Variants in CADM1 observed in about 807,000 individuals in gnomAD.
CADM1 encodes the protein cell adhesion molecule 1, also known as TSLC-1.
Under a neutral mutation model 53.1 loss-of-function variants are expected in CADM1, and 15 were observed. The ratio of observed to expected loss-of-function variants is 0.28; its 90% confidence interval spans 0.19 to 0.44. CADM1 has a LOEUF of 0.44. CADM1 is among the 20% of genes least tolerant of loss of function. CADM1 has a pLI of 1.00. For missense variants in CADM1, 434 were observed against 611.3 expected (o/e 0.71, Z 3.06); for synonymous variants, 281 against 243.0 (o/e 1.16, Z -1.45).
intron 1 of CADM1, among the ~76,000 whole-genome samples, chr11:115,376,220 A>T (rs1334447683): frequency 6.6e-6 from 1 of 152,156 alleles, no homozygotes; most frequent in Non-Finnish European, 1.5e-5. Context: ...ATAGTGCTAT[A>T]AGCTCTGGCT....
At chr11:115,374,602 A>T (rs747224971) in intron 1 of CADM1, among the ~76,000 whole-genome samples, 2 of 152,210 alleles carry the variant, frequency 1.3e-5, no homozygotes, top group African/African-American at 2.4e-5. Context: ...AAAAAGGTAC[A>T]GACATTATAT....
intron 1 of CADM1, among the ~76,000 whole-genome samples, chr11:115,331,585 T>C (rs918981588): frequency 1.3e-5 from 2 of 152,254 alleles, no homozygotes; most frequent in Non-Finnish European, 2.9e-5. Flanking sequence ...TCATGAACCA[T>C]GGAAACAACT....
intron 1 of CADM1, among the ~76,000 whole-genome samples, chr11:115,501,800 T>TA (rs1223529664): frequency 6.6e-6 from 1 of 152,200 alleles, no homozygotes; most frequent in East Asian, 1.9e-4. Context: ...TGAGAAAGCT[T>TA]AAACAGAACT....
intron 1 of CADM1, chr11:115,445,831 T>C: frequency 2.3e-6 from 1 of 442,144 alleles, no homozygotes; most frequent in South Asian, 1.6e-5. Context: ...GGTGATGAAG[T>C]GAGACCTGTC....
At chr11:115,225,989 C>CACA (rs1279193308) in intron 5 of CADM1, among the ~76,000 whole-genome samples, 1 of 151,836 alleles carries the variant, frequency 6.6e-6, no homozygotes, top group Non-Finnish European at 1.5e-5. Flanking sequence ...CCAATAGTAT[C>CACA]AGATTAGATT....
chr11:115,455,562 G>A lies in CADM1; in HGVS notation c.124+48709C>T, dbSNP rs181962909. 3.3e-5 allele frequency among the ~76,000 whole-genome samples: 5 copies of A among 152,254 alleles called. No homozygotes were observed. In the East Asian group the frequency reaches 7.7e-4, roughly 24 times the overall value. ...GTGGAAAAGATTCCAGTAGAGTCAA[G>A]TTTCTTAAGAAATTCTCTGAATATG... On this transcript the variant is annotated intron_variant, in intron 1 of 11. Transcript: ENST00000331581.
chr11:115,422,678 T>C (rs1439218548), intron 1 of CADM1, among the ~76,000 whole-genome samples: 1 of 152,220 alleles, frequency 6.6e-6, no homozygotes, highest in Non-Finnish European at 1.5e-5. Context: ...TGCAACTCTT[T>C]GGAACAGCAC....
At chr11:115,314,321 C>T (rs549866913) in intron 1 of CADM1, among the ~76,000 whole-genome samples, 12 of 152,194 alleles carry the variant, frequency 7.9e-5, no homozygotes, top group African/African-American at 2.4e-4. Context: ...AGCTCGGGTC[C>T]CTATTATGCA....
rs1044956689 is a variant in CADM1, at chr11:115,375,659, T to C, written c.124+128612A>G. Among the ~76,000 whole-genome samples, 6 of 152,286 alleles carry C rather than the reference T, an allele frequency of 3.9e-5. No homozygotes were observed. In the East Asian group the frequency reaches 9.6e-4, roughly 24 times the overall value. Reference sequence around the variant, plus strand: ...CCAAATGGAATAAAACAATGTGTTGTTAAAGTTGTAGTCTCTAATTATATT... The same window carrying C: ...CCAAATGGAATAAAACAATGTGTTGCTAAAGTTGTAGTCTCTAATTATATT... On this transcript the variant is annotated intron_variant, in intron 1 of 11. Coordinates refer to ENST00000331581, the MANE Select transcript of CADM1 (RefSeq NM_001301043.2).
chr11:115,274,130 C>A (rs932791456), intron 1 of CADM1, among the ~76,000 whole-genome samples: 2 of 152,202 alleles, frequency 1.3e-5, no homozygotes, highest in Non-Finnish European at 2.9e-5. Flanking sequence ...TCTAGATAAG[C>A]TTTAGGGTTT....
At chr11:115,278,030 T>C (rs1334446732) in intron 1 of CADM1, among the ~76,000 whole-genome samples, 1 of 151,624 alleles carries the variant, frequency 6.6e-6, no homozygotes, top group Non-Finnish European at 1.5e-5. Context: ...CCCTCCCCAA[T>C]CACATTTTCA....
At chr11:115,390,791 T>C (rs924824227) in intron 1 of CADM1, among the ~76,000 whole-genome samples, 1 of 152,140 alleles carries the variant, frequency 6.6e-6, no homozygotes, top group Non-Finnish European at 1.5e-5. Flanking sequence ...TTTAAGACCT[T>C]CACATTTGTG....
At chr11:115,354,797 A>G (rs765719548) in intron 1 of CADM1, among the ~76,000 whole-genome samples, 2 of 152,206 alleles carry the variant, frequency 1.3e-5, no homozygotes, top group African/African-American at 2.4e-5. Flanking sequence ...GTGATTCAAG[A>G]TAACTGTCTC....
At chr11:115,361,318 T>C (rs1202146784) in intron 1 of CADM1, among the ~76,000 whole-genome samples, 1 of 152,152 alleles carries the variant, frequency 6.6e-6, no homozygotes, top group African/African-American at 2.4e-5. Context: ...AAGAAGTCAG[T>C]AGGATTATAA....
chr11:115,212,584 T>C (rs775622606), intron 7 of CADM1, among the ~76,000 whole-genome samples: 6 of 152,170 alleles, frequency 3.9e-5, no homozygotes, highest in Non-Finnish European at 8.8e-5. Flanking sequence ...TTTCAGATAA[T>C]GCACTCTGGC....
intron 1 of CADM1, among the ~76,000 whole-genome samples, chr11:115,317,264 A>G (rs940558798): frequency 1.3e-5 from 2 of 152,162 alleles, no homozygotes; most frequent in Admixed American, 1.3e-4. Context: ...AACCGTGGAC[A>G]GTCTTTAAAG....
intron 1 of CADM1, among the ~76,000 whole-genome samples, chr11:115,346,441 C>CG (rs1392425426): frequency 3.3e-5 from 5 of 152,140 alleles, no homozygotes; most frequent in Non-Finnish European, 7.4e-5. Flanking sequence ...CTATGTTCCC[C>CG]GGGCTGATCT....
In CADM1 at chr11:115,227,730, T is replaced by C. The variant is rs565654637; in HGVS notation, c.721+1383A>G. 2.6e-5 allele frequency among the ~76,000 whole-genome samples: 4 copies of C among 152,356 alleles called. No individual in the cohort carries two copies. In the East Asian group the frequency reaches 5.8e-4, roughly 22 times the overall value. On this transcript the variant is annotated intron_variant, in intron 5 of 11. Coordinates refer to ENST00000331581, the MANE Select transcript of CADM1 (RefSeq NM_001301043.2). ...AATGAATTAACGAGGAAACCCTGCA[T>C]TATGTAATGTTAAATTGAGCCAAGC...
chr11:115,246,988 C>T (rs1034356674), intron 1 of CADM1, among the ~76,000 whole-genome samples: 3 of 148,850 alleles, frequency 2.0e-5, no homozygotes, highest in African/African-American at 5.0e-5. Flanking sequence ...CCTGAATACA[C>T]AACAAAAAAT....
Sources: gnomAD v4.1 joint callset for allele counts (sites outside exome capture counted in the v4.1 genomes callset) on GRCh38, gnomAD v4.1.1 for gene constraint, MANE v1.5 for transcripts, NCBI Gene and HGNC (gene_info 2026-07-23, HGNC 2026-07-21) for gene names.